The following EBF1 variants were observed in gnomAD, a reference collection of about 807,000 sequenced individuals.
EBF1 encodes the protein transcription factor COE1.
Under a neutral mutation model 68.4 loss-of-function variants are expected in EBF1, and 10 were observed. The observed-to-expected ratio is 0.15, with a 90% CI of 0.09 to 0.25. The LOEUF is 0.25. Among genes scored for constraint, EBF1 ranks in the 10% least tolerant of loss-of-function variants. The pLI is 1.00. For synonymous variants in EBF1, 298 were observed against 299.8 expected (o/e 0.99, Z 0.06); for missense variants, 509 against 794.4 (o/e 0.64, Z 4.32).
chr5:158,730,063 G>A (rs144621089), intron 11 of EBF1, among the ~76,000 whole-genome samples: 31 of 152,206 alleles, frequency 2.0e-4, no homozygotes, highest in Non-Finnish European at 3.5e-4. Flanking sequence ...TGTTTTACAC[G>A]GATACATAAA....
intron 10 of EBF1, among the ~76,000 whole-genome samples, chr5:158,752,951 A>C (rs1769249613): frequency 1.3e-5 from 2 of 152,108 alleles, no homozygotes; most frequent in Non-Finnish European, 2.9e-5. Context: ...ATTGCACACA[A>C]TTTGGTTTTA....
chr5:158,995,777 A>G (rs1363689756), intron 6 of EBF1, among the ~76,000 whole-genome samples: 2 of 152,206 alleles, frequency 1.3e-5, no homozygotes, highest in Admixed American at 6.5e-5. Flanking sequence ...TTCTTTCTTC[A>G]TATCACAGTG....
intron 6 of EBF1, among the ~76,000 whole-genome samples, chr5:158,919,380 C>T (rs1807906689): frequency 6.6e-6 from 1 of 152,056 alleles, no homozygotes; most frequent in African/African-American, 2.4e-5. Context: ...TAACACCAAT[C>T]ATATCTGAGA....
intron 11 of EBF1, among the ~76,000 whole-genome samples, chr5:158,726,682 G>A (rs2127533682): frequency 6.6e-6 from 1 of 152,308 alleles, no homozygotes; most frequent in East Asian, 1.9e-4. Context: ...TTCTCAGTAG[G>A]GAAATGAGAG....
At chr5:158,830,653 G>A (rs1010770370) in intron 7 of EBF1, among the ~76,000 whole-genome samples, 1 of 152,144 alleles carries the variant, frequency 6.6e-6, no homozygotes, top group African/African-American at 2.4e-5. Flanking sequence ...TGGTGCCTGT[G>A]TGACCGACTA....
At chr5:158,742,609 C>T (rs1766661754) in intron 10 of EBF1, among the ~76,000 whole-genome samples, 1 of 152,196 alleles carries the variant, frequency 6.6e-6, no homozygotes, top group South Asian at 2.1e-4. Context: ...GGCAGAAAGA[C>T]ACAAACAGAA....
At chr5:158,853,329 C>A (rs113173120) in intron 6 of EBF1, among the ~76,000 whole-genome samples, 163 of 152,268 alleles carry the variant, frequency 1.1e-3, no homozygotes, top group Non-Finnish European at 1.9e-3. Flanking sequence ...TAGAGACTGG[C>A]ATGTGACCCA....
At chr5:159,018,367 C>T (rs1416605841) in intron 6 of EBF1, among the ~76,000 whole-genome samples, 1 of 152,172 alleles carries the variant, frequency 6.6e-6, no homozygotes, top group African/African-American at 2.4e-5. Context: ...CTTTGCAAAT[C>T]CCTGAAACTA....
At chr5:158,928,528 T>G (rs1341968610) in intron 6 of EBF1, among the ~76,000 whole-genome samples, 2 of 152,206 alleles carry the variant, frequency 1.3e-5, no homozygotes, top group African/African-American at 4.8e-5. Context: ...TATAACACTG[T>G]CAGGCTTAGC....
At chr5:158,883,385 T>TATATAC (rs1554181583) in intron 6 of EBF1, among the ~76,000 whole-genome samples, 1 of 144,090 alleles carries the variant, frequency 6.9e-6, no homozygotes, top group African/African-American at 2.6e-5. Context: ...TGTATATATA[T>TATATAC]ACATACATAC....
intron 11 of EBF1, among the ~76,000 whole-genome samples, chr5:158,720,894 A>C (rs1224715457): frequency 6.6e-6 from 1 of 152,156 alleles, no homozygotes; most frequent in Non-Finnish European, 1.5e-5. Flanking sequence ...CATTCTAAAG[A>C]CTTCATAGTA....
intron 7 of EBF1, among the ~76,000 whole-genome samples, chr5:158,834,520 A>G (rs1788295727): frequency 6.6e-6 from 1 of 151,352 alleles, no homozygotes; most frequent in African/African-American, 2.4e-5. Context: ...AAAAAAAAAA[A>G]CATTGTGCCA....
chr5:158,709,029 C>T (rs543152582), intron 14 of EBF1, among the ~76,000 whole-genome samples: 64 of 152,232 alleles, frequency 4.2e-4, no homozygotes, highest in African/African-American at 1.1e-3. Context: ...CATTCTCTAC[C>T]GACCATGATC....
chr5:158,793,162 C>T (rs747924506), intron 9 of EBF1, among the ~76,000 whole-genome samples: 85 of 152,272 alleles, frequency 5.6e-4, no homozygotes, highest in Non-Finnish European at 1.2e-3. Flanking sequence ...CAACATCATA[C>T]GCAGTGGTGA....
chr5:158,924,218 C>G (rs1356110701), intron 6 of EBF1, among the ~76,000 whole-genome samples: 1 of 152,214 alleles, frequency 6.6e-6, no homozygotes. Context: ...GGCTGTTGTT[C>G]CATTTCACCT....
chr5:158,793,886 C>T (rs537117850), intron 9 of EBF1, among the ~76,000 whole-genome samples: 12 of 152,166 alleles, frequency 7.9e-5, no homozygotes, highest in Middle Eastern at 3.4e-3. Flanking sequence ...GTAGCCTGTA[C>T]GAAAACCTAA....
At position 158,699,015 on chromosome 5, in the gene EBF1, G is replaced by C. The variant is rs1345021347; in HGVS notation, c.*96C>G. 1.7e-6 allele frequency: 2 copies of C among 1,153,878 alleles called. No homozygotes were observed. Among genetic ancestry groups the C allele is most frequent in the East Asian group, 2.6e-5 (1 of 38,484 alleles). The allele number at this position is 1,153,878 out of a possible 1,614,324, so 71.5% of individuals were successfully genotyped here. A position where few individuals can be genotyped will look rare whatever the true frequency, so the allele number is the denominator to read the frequency against. ...AGTTATTGTGATTCCTCTTAAAAAG[G>C]CCTGAGTTAAAAGTTCCACTCTGGG... On this transcript the variant is annotated 3_prime_UTR_variant, in exon 16 of 16. Transcript: ENST00000313708.
intron 9 of EBF1, among the ~76,000 whole-genome samples, chr5:158,786,692 T>C (rs1777517098): frequency 2.0e-5 from 3 of 152,182 alleles, no homozygotes; most frequent in South Asian, 4.1e-4. Flanking sequence ...TGGCTCAGTG[T>C]CCTATGTTCC....
At chr5:159,017,470 C>T (rs557598331) in intron 6 of EBF1, among the ~76,000 whole-genome samples, 1 of 152,326 alleles carries the variant, frequency 6.6e-6, no homozygotes, top group South Asian at 2.1e-4. Context: ...CACTGGCTTC[C>T]AGCTTGCCAT....
Sources: allele counts gnomAD v4.1 joint callset (sites outside exome capture counted in the v4.1 genomes callset), GRCh38; gene constraint gnomAD v4.1.1; transcripts MANE v1.5; gene names NCBI Gene and HGNC (gene_info 2026-07-23, HGNC 2026-07-21).